PNPLA7: variants seen among roughly 807,000 people sequenced by gnomAD.
PNPLA7 encodes patatin like domain 7, lysophospholipase, also known as patatin-like phospholipase domain-containing protein 7.
PNPLA7 carries 153 observed loss-of-function variants against 161.7 expected under a neutral mutation model. The ratio of observed to expected loss-of-function variants is 0.95; its 90% confidence interval spans 0.83 to 1.08. The LOEUF (loss-of-function observed/expected upper bound fraction) is 1.08, where lower values mean the gene tolerates loss of function less well. PNPLA7 is among the 50% of genes least tolerant of loss of function. The pLI, the probability that PNPLA7 is intolerant of heterozygous loss-of-function variation, is 0.00. For synonymous variants in PNPLA7, 809 were observed against 782.1 expected (o/e 1.03, Z -0.57); for missense variants, 1,739 against 1,856.6 (o/e 0.94, Z 1.16).
rs921951310 is a variant in PNPLA7 at position 137,486,357 on chromosome 9, A to G, written c.2198-1621T>C. 3.9e-5 allele frequency among the ~76,000 whole-genome samples: 6 copies of G among 152,156 alleles called. No homozygotes were observed. The highest frequency in any genetic ancestry group is 6.5e-5 in the Admixed American group (1 of 15,278). On this transcript the variant is annotated intron_variant, in intron 20 of 34. Transcript: ENST00000406427. The surrounding 1 kb of genome is among the most constrained non-coding windows in gnomAD (Gnocchi z 6.0). ...GGGTAAGAGCCTGTGAACGGGGAAC[A>G]TGGCTCGGAGAACCAGCGCACAGCC... is the stretch of plus-strand genomic sequence containing the variant.
At chr9:137,483,387 G>A (rs565532074) in intron 21 of PNPLA7, among the ~76,000 whole-genome samples, 44 of 152,326 alleles carry the variant, frequency 2.9e-4, no homozygotes, top group Middle Eastern at 3.4e-3. Context: ...GTCATGTAAC[G>A]ACGGTCAAGG....
At chr9:137,546,653 G>A (rs1836543568) in intron 4 of PNPLA7, among the ~76,000 whole-genome samples, 177 bp downstream of exon 4, 1 of 152,146 alleles carries the variant, frequency 6.6e-6, no homozygotes, top group African/African-American at 2.4e-5. Flanking sequence ...ACACCATTCG[G>A]CACAATTTAT....
At chr9:137,550,107 C>CT in intron 1 of PNPLA7, 61 bp downstream of exon 1, 1 of 1,597,524 alleles carries the variant, frequency 6.3e-7, no homozygotes. Context: ...GGACCCTTCT[C>CT]TGGGTCCAGA....
intron 25 of PNPLA7, among the ~76,000 whole-genome samples, chr9:137,472,343 G>C (rs1831741831): frequency 6.6e-6 from 1 of 151,884 alleles, no homozygotes; most frequent in African/African-American, 2.4e-5. Context: ...CCCAGCACTT[G>C]AGCCACTGTA....
rs1300442126 is a variant in PNPLA7, at chr9:137,541,859, A to G, written c.666+783T>C. ...TGCAGTGGCGTGAACACAGCTCACT[A>G]TAGCCGCAACCTCCCAGACTCAAGC... is the stretch of plus-strand genomic sequence containing the variant. On this transcript the variant is annotated intron_variant, in intron 7 of 34. Transcript: ENST00000406427. The surrounding 1 kb of genome is among the most constrained non-coding windows in gnomAD (Gnocchi z 4.4). Among the ~76,000 whole-genome samples the G allele has an allele frequency of 1.3e-5, 2 of 151,728 alleles. No homozygotes were observed. Among genetic ancestry groups the G allele is most frequent in the African/African-American group, 4.8e-5 (2 of 41,256 alleles).
chr9:137,491,669 G>C, intron 20 of PNPLA7: 1 of 985,408 alleles, frequency 1.0e-6, no homozygotes, highest in Non-Finnish European at 1.2e-6. Flanking sequence ...ATGAAGATGG[G>C]GTCACCCTAG....
intron 9 of PNPLA7, 120 bp from the exon 10 acceptor site, chr9:137,521,836 C>A: frequency 1.3e-6 from 1 of 765,354 alleles, no homozygotes; most frequent in Non-Finnish European, 2.0e-6. Context: ...ACAGACCGAA[C>A]CCTCTCAGGG....
intron 23 of PNPLA7, chr9:137,479,751 G>A (rs1588561162): frequency 1.0e-6 from 1 of 985,346 alleles, no homozygotes; most frequent in South Asian, 4.7e-5. Context: ...GGCCTCGCCT[G>A]CAGCAATGGC....
rs773228345 is a variant in PNPLA7, at chr9:137,479,090, C to T, written c.2729G>A (p.Arg910His). The change falls in exon 24 of 35, where the codon CGC becomes CAC. Residue 910 changes from arginine to histidine, a missense_variant. Physicochemically the swap from Arg to His is conservative, Grantham distance 29. Transcript: ENST00000406427. ...CSGHLHLCCP[R>H]RVFSRRSLPK... ...CAGGCTCCTCCTGGAGAAGACGCGGCGCGGGCAGCAGAGGTGCAGGTGGCC... is the reference window on the plus strand; with the variant it reads ...CAGGCTCCTCCTGGAGAAGACGCGGTGCGGGCAGCAGAGGTGCAGGTGGCC... 2.4e-5 allele frequency: 39 copies of T among 1,597,320 alleles called. No homozygotes were observed. Among genetic ancestry groups the T allele is most frequent in the Middle Eastern group, 2.0e-4 (1 of 4,892 alleles).
intron 20 of PNPLA7, among the ~76,000 whole-genome samples, chr9:137,485,202 G>C (rs1832414018): frequency 6.6e-6 from 1 of 152,282 alleles, no homozygotes; most frequent in Admixed American, 6.5e-5. Flanking sequence ...CCCAGGCCCA[G>C]GGAGTGGATT....
chr9:137,533,059 T>A (rs1835662783), intron 8 of PNPLA7, among the ~76,000 whole-genome samples: 1 of 143,094 alleles, frequency 7.0e-6, no homozygotes, highest in South Asian at 2.2e-4. Context: ...GAGTGTCCAC[T>A]CCAGATGGGA....
At chr9:137,535,921 G>C (rs544705604) in intron 8 of PNPLA7, among the ~76,000 whole-genome samples, 205 of 152,146 alleles carry the variant, frequency 1.3e-3, no homozygotes, top group African/African-American at 4.7e-3. Context: ...GGGAGGCCGA[G>C]GCGGGCAGAT....
At chr9:137,548,051 G>A (rs9410023) in intron 1 of PNPLA7, among the ~76,000 whole-genome samples, 8,511 of 152,214 alleles carry the variant, frequency 0.056, 667 homozygotes, top group African/African-American at 0.17. Flanking sequence ...TGAGCCATCT[G>A]GATTCTGAGA....
chr9:137,478,803 G>A, intron 24 of PNPLA7: 1 of 453,712 alleles, frequency 2.2e-6, no homozygotes, highest in South Asian at 3.6e-5. Flanking sequence ...CCCATCCCCG[G>A]GGTTCGCTGA....
chr9:137,516,496 G>A (rs1424591870), intron 11 of PNPLA7: 2 of 985,164 alleles, frequency 2.0e-6, no homozygotes, highest in Non-Finnish European at 2.4e-6. Flanking sequence ...TGCCATTCAG[G>A]CAATGACACA....
chr9:137,462,962 A>T, intron 29 of PNPLA7, 129 bp from the exon 30 acceptor site: 5 of 1,295,402 alleles, frequency 3.9e-6, no homozygotes, highest in Non-Finnish European at 5.3e-6. Context: ...CACCTTCTAG[A>T]GGCAGAAGAC....
intron 24 of PNPLA7, chr9:137,478,768 G>C (rs1484702231): frequency 2.7e-6 from 1 of 367,560 alleles, no homozygotes; most frequent in Non-Finnish European, 5.0e-6. Context: ...CCATCCCCAG[G>C]GTTTGCTGAG....
intron 8 of PNPLA7, among the ~76,000 whole-genome samples, chr9:137,532,442 G>C (rs570677893): frequency 6.6e-6 from 1 of 152,280 alleles, no homozygotes; most frequent in South Asian, 2.1e-4. Flanking sequence ...CTCCAAAAAA[G>C]AAAGGTAAGT....
At chr9:137,494,999 A>G in intron 19 of PNPLA7, 34 bp downstream of exon 19, 1 of 1,567,792 alleles carries the variant, frequency 6.4e-7, no homozygotes, top group African/African-American at 1.3e-5. Flanking sequence ...CCACACCCTC[A>G]TCCGCTCCGC....
Sources: gnomAD v4.1 joint callset for allele counts (sites outside exome capture counted in the v4.1 genomes callset) on GRCh38, gnomAD v4.1.1 for gene constraint, Gnocchi (gnomAD v3.1) non-coding constraint, MANE v1.5 for transcripts, NCBI Gene and HGNC (gene_info 2026-07-23, HGNC 2026-07-21) for gene names.